KCNH1: variants seen among roughly 807,000 people sequenced by gnomAD.
KCNH1 encodes the protein potassium voltage-gated channel subfamily H member 1.
Under a neutral mutation model 69.2 loss-of-function variants are expected in KCNH1, and 27 were observed. The ratio of observed to expected loss-of-function variants is 0.39; its 90% CI spans 0.29 to 0.54. KCNH1 has a LOEUF of 0.54. KCNH1 is among the 20% of genes least tolerant of loss of function. The pLI is 0.68. For synonymous variants in KCNH1, 456 were observed against 487.7 expected (o/e 0.93, Z 0.86); for missense variants, 798 against 1,261.6 (o/e 0.63, Z 5.57).
intron 6 of KCNH1, among the ~76,000 whole-genome samples, chr1:210,954,017 A>G (rs1042655214): frequency 4.7e-4 from 71 of 152,160 alleles, no homozygotes; most frequent in African/African-American, 1.7e-3. Context: ...CATTTACATT[A>G]GGTATTTCTC....
intron 10 of KCNH1, among the ~76,000 whole-genome samples, chr1:210,713,044 T>C (rs887870911): frequency 6.6e-6 from 1 of 152,200 alleles, no homozygotes; most frequent in Non-Finnish European, 1.5e-5. Flanking sequence ...GCAGGCAATA[T>C]TCCTTTAACT....
chr1:210,775,238 A>G, intron 10 of KCNH1, 110 bp downstream of exon 10: 2 of 894,178 alleles, frequency 2.2e-6, no homozygotes, highest in Non-Finnish European at 3.4e-6. Context: ...CCTCTTTAGA[A>G]CCAATTACTC....
chr1:210,684,957 A>G (rs1253764627), intron 10 of KCNH1, among the ~76,000 whole-genome samples: 1 of 152,220 alleles, frequency 6.6e-6, no homozygotes, highest in Non-Finnish European at 1.5e-5. Context: ...GTGGCTAAAT[A>G]TCACATAACA....
At chr1:211,077,281 C>A (rs537354698) in intron 5 of KCNH1, among the ~76,000 whole-genome samples, 10 of 151,950 alleles carry the variant, frequency 6.6e-5, no homozygotes, top group African/African-American at 2.2e-4. Flanking sequence ...CTCCTCGGAA[C>A]AGCGACCCCA....
chr1:211,062,610 A>G (rs977685760), intron 5 of KCNH1, among the ~76,000 whole-genome samples: 12 of 152,194 alleles, frequency 7.9e-5, no homozygotes, highest in South Asian at 4.1e-4. Flanking sequence ...AAACAACTCT[A>G]TAAGTTAAAA....
chr1:210,922,404 A>C (rs1315911313), intron 6 of KCNH1, among the ~76,000 whole-genome samples: 18 of 42,606 alleles, frequency 4.2e-4, no homozygotes, highest in East Asian at 9.6e-4. Flanking sequence ...AAAAAAAAAA[A>C]AAAAAAAAAA....
At chr1:210,701,410 G>A (rs894451144) in intron 10 of KCNH1, among the ~76,000 whole-genome samples, 3 of 152,132 alleles carry the variant, frequency 2.0e-5, no homozygotes, top group Non-Finnish European at 4.4e-5. Flanking sequence ...CACTATATAG[G>A]TGAGAATACT....
chr1:210,888,090 A>G (rs1686656228), intron 7 of KCNH1, among the ~76,000 whole-genome samples: 1 of 152,168 alleles, frequency 6.6e-6, no homozygotes, highest in Non-Finnish European at 1.5e-5. Context: ...TCCAACCCAA[A>G]TCAACAGAAT....
At chr1:210,959,269 C>T (rs1436365576) in intron 6 of KCNH1, among the ~76,000 whole-genome samples, 1 of 152,110 alleles carries the variant, frequency 6.6e-6, no homozygotes, top group Non-Finnish European at 1.5e-5. Context: ...AATATTGCTG[C>T]CTGATCCCTC....
chr1:211,051,250 G>A (rs551374282), intron 5 of KCNH1, among the ~76,000 whole-genome samples: 12 of 151,998 alleles, frequency 7.9e-5, no homozygotes, highest in Non-Finnish European at 1.2e-4. Context: ...TGCCCACCTC[G>A]GCCTCCCAAA....
chr1:211,067,468 G>A (rs1025155792), intron 5 of KCNH1, among the ~76,000 whole-genome samples: 22 of 152,262 alleles, frequency 1.4e-4, no homozygotes, highest in African/African-American at 4.8e-4. Flanking sequence ...TGGCCTTCCT[G>A]TCAGGCTGGT....
chr1:210,733,994 T>C, intron 10 of KCNH1, among the ~76,000 whole-genome samples: 1 of 146,890 alleles, frequency 6.8e-6, no homozygotes, highest in African/African-American at 2.5e-5. Flanking sequence ...CACACAGCCC[T>C]CAGAAGTCAC....
intron 10 of KCNH1, among the ~76,000 whole-genome samples, chr1:210,702,256 G>T (rs1323025753): frequency 1.3e-5 from 2 of 152,092 alleles, no homozygotes; most frequent in Non-Finnish European, 2.9e-5. Flanking sequence ...TGCAATCTGA[G>T]GATTCTTGTT....
At chr1:211,014,686 G>A (rs1350674081) in intron 6 of KCNH1, among the ~76,000 whole-genome samples, 1 of 152,112 alleles carries the variant, frequency 6.6e-6, no homozygotes, top group African/African-American at 2.4e-5. Context: ...GTCCTTCTTT[G>A]GTGGTCTCCA....
chr1:211,027,076 A>G (rs1309795780), intron 5 of KCNH1, among the ~76,000 whole-genome samples: 1 of 152,208 alleles, frequency 6.6e-6, no homozygotes, highest in East Asian at 1.9e-4. Context: ...AGAACCAGGA[A>G]GACATCAAAT....
At chr1:210,869,484 C>CGTGT (rs61235458) in intron 7 of KCNH1, among the ~76,000 whole-genome samples, 8,627 of 136,814 alleles carry the variant, frequency 0.063, 405 homozygotes, top group East Asian at 0.2. Flanking sequence ...AGTTATAAGT[C>CGTGT]GTGTGTGTGT....
chr1:210,959,142 T>G (rs1345208258), intron 6 of KCNH1, among the ~76,000 whole-genome samples: 1 of 152,256 alleles, frequency 6.6e-6, no homozygotes, highest in Non-Finnish European at 1.5e-5. Context: ...TCCTTTCTGT[T>G]TGTTAGTTTT....
At chr1:210,799,743 C>G (rs1684394556) in intron 8 of KCNH1, among the ~76,000 whole-genome samples, 2 of 152,212 alleles carry the variant, frequency 1.3e-5, no homozygotes, top group South Asian at 4.1e-4. Flanking sequence ...CCCACCTCTG[C>G]TTCTCTGCCT....
At chr1:210,897,687 G>A (rs531292046) in intron 7 of KCNH1, among the ~76,000 whole-genome samples, 46 of 152,298 alleles carry the variant, frequency 3.0e-4, no homozygotes, top group Non-Finnish European at 4.7e-4. Context: ...AAGGTACCAG[G>A]CCTTGCATGC....
Sources: gnomAD v4.1 joint callset for allele counts (sites outside exome capture counted in the v4.1 genomes callset) on GRCh38, gnomAD v4.1.1 for gene constraint, MANE v1.5 for transcripts, NCBI Gene and HGNC (gene_info 2026-07-23, HGNC 2026-07-21) for gene names.